DMD: variants seen among roughly 807,000 people sequenced by gnomAD.
DMD encodes the protein mutant dystrophin.
In DMD, 63 loss-of-function variants were observed where a neutral mutation model predicts 330.1. The observed-to-expected ratio is 0.19, with a 90% CI of 0.16 to 0.24. DMD has a LOEUF of 0.24. DMD is among the 10% of genes least tolerant of loss of function. The pLI is 1.00. For synonymous variants in DMD, 1,223 were observed against 959.8 expected (o/e 1.27, Z -5.07); for missense variants, 3,344 against 2,684.1 (o/e 1.25, Z -5.43).
intron 43 of DMD, among the ~76,000 whole-genome samples, chrX:32,260,679 GC>G (rs1312032297): frequency 1.8e-5 from 2 of 109,013 alleles, no homozygotes; most frequent in Non-Finnish European, 3.9e-5. Flanking sequence ...TCTCAGTGCT[GC>G]CCTCCCTCTG....
At chrX:32,319,370 A>T (rs2097598950) in intron 41 of DMD, among the ~76,000 whole-genome samples, 1 of 111,439 alleles carries the variant, frequency 9.0e-6, no homozygotes, top group African/African-American at 3.3e-5. Context: ...TGCAGCAAAG[A>T]CTCATGCCTA....
chrX:31,440,166 G>T (rs1163025426), intron 60 of DMD, among the ~76,000 whole-genome samples: 6 of 82,666 alleles, frequency 7.3e-5, no homozygotes, highest in Non-Finnish European at 1.4e-4. Context: ...TTTTTTTTTG[G>T]AAATGGTGTC....
intron 18 of DMD, among the ~76,000 whole-genome samples, chrX:32,508,570 G>C (rs190334133): frequency 9.0e-6 from 1 of 111,448 alleles, no homozygotes; most frequent in Non-Finnish European, 1.9e-5. Flanking sequence ...CTGAACCTCA[G>C]TATTTCCTAT....
intron 7 of DMD, among the ~76,000 whole-genome samples, chrX:32,708,818 G>A: frequency 9.0e-6 from 1 of 111,692 alleles, no homozygotes; most frequent in Middle Eastern, 4.7e-3. Flanking sequence ...GGTATCATAT[G>A]TCATACGCAA....
intron 44 of DMD, among the ~76,000 whole-genome samples, chrX:32,032,227 G>C (rs936304923): frequency 9.0e-6 from 1 of 111,187 alleles, no homozygotes; most frequent in African/African-American, 3.3e-5. Context: ...GATTTATACT[G>C]TCTCCATTTC....
chrX:33,104,111 T>C (rs1190611318), intron 1 of DMD, among the ~76,000 whole-genome samples: 1 of 111,811 alleles, frequency 8.9e-6, no homozygotes, highest in Non-Finnish European at 1.9e-5. Context: ...AATTACACTA[T>C]TGATTTACAT....
intron 44 of DMD, among the ~76,000 whole-genome samples, chrX:31,972,900 T>C (rs973383079): frequency 1.8e-5 from 2 of 111,578 alleles, no homozygotes; most frequent in Non-Finnish European, 3.8e-5. Context: ...TTGTGTCTCT[T>C]CGTCAGTGCC....
chrX:33,094,650 T>C (rs996264318), intron 1 of DMD, among the ~76,000 whole-genome samples: 6 of 109,387 alleles, frequency 5.5e-5, no homozygotes, highest in Non-Finnish European at 1.1e-4. Context: ...CTCCTAAAAA[T>C]ACAAAAAATT....
intron 7 of DMD, among the ~76,000 whole-genome samples, chrX:32,723,176 TGTA>T (rs2066506785): frequency 1.8e-5 from 2 of 111,823 alleles, no homozygotes; most frequent in Admixed American, 1.9e-4. Context: ...TTTTTCTGCA[TGTA>T]TTGAGATAAT....
At chrX:31,947,319 T>C (rs1439430161) in intron 45 of DMD, among the ~76,000 whole-genome samples, 1 of 111,811 alleles carries the variant, frequency 8.9e-6, no homozygotes, top group Admixed American at 9.5e-5. Context: ...AGAGATGGAA[T>C]GTTGCTATGT....
chrX:33,289,889 A>G, intron 1 of DMD, among the ~76,000 whole-genome samples: 1 of 112,110 alleles, frequency 8.9e-6, no homozygotes, highest in Non-Finnish European at 1.9e-5. Context: ...TTTCTGCAGA[A>G]TGAGCAATTA....
intron 55 of DMD, among the ~76,000 whole-genome samples, chrX:31,624,323 A>T (rs1213837754): frequency 8.9e-6 from 1 of 112,059 alleles, no homozygotes; most frequent in Non-Finnish European, 1.9e-5. Flanking sequence ...AAAGTGAGTT[A>T]CACCTTTTTA....
chrX:31,325,425 C>T (rs945533921), intron 61 of DMD, among the ~76,000 whole-genome samples: 85 of 93,221 alleles, frequency 9.1e-4, no homozygotes, highest in African/African-American at 3.1e-3. Context: ...CATGAGGAAA[C>T]GCTATCTCTA....
At chrX:32,113,417 A>G (rs1226349209) in intron 44 of DMD, among the ~76,000 whole-genome samples, 1 of 112,674 alleles carries the variant, frequency 8.9e-6, no homozygotes, top group Non-Finnish European at 1.9e-5. Flanking sequence ...TATCACATGT[A>G]TCCCACAAAT....
At chrX:32,785,625 G>A (rs185281931) in intron 7 of DMD, among the ~76,000 whole-genome samples, 177 of 111,298 alleles carry the variant, frequency 1.6e-3, no homozygotes, top group African/African-American at 5.2e-3. Context: ...GACAGATCTC[G>A]CTACAACTAG....
chrX:32,027,369 GA>G lies in DMD; in HGVS notation c.6439-58856del, dbSNP rs759948550. Among the ~76,000 whole-genome samples the G allele has an allele frequency of 2.7e-5, 3 of 111,251 alleles. No homozygotes were observed. The East Asian group carries it at 8.5e-4, about 32-fold the overall frequency. On this transcript the variant is annotated intron_variant, in intron 44 of 78. Transcript: ENST00000357033. The stretch of plus-strand genomic sequence containing the variant: ...AGAAGACAAAGTAAGTCCTGGCAGA[GA>G]AAAAAAGCTTGGTGTAAAGAAGAAA...
chrX:32,849,854 AG>A (rs751575629), intron 2 of DMD, 34 bp from the exon 3 acceptor site: 1 of 988,717 alleles, frequency 1.0e-6, no homozygotes, highest in Non-Finnish European at 1.4e-6. Flanking sequence ...AATTTAACAA[AG>A]CACACTTCCA....
chrX:31,919,206 G>A (rs2094653790), intron 47 of DMD, among the ~76,000 whole-genome samples: 1 of 111,702 alleles, frequency 9.0e-6, no homozygotes, highest in African/African-American at 3.3e-5. Context: ...GGAGATAACT[G>A]CAATGGTCTA....
At chrX:32,736,813 G>C (rs1248873104) in intron 7 of DMD, among the ~76,000 whole-genome samples, 43 of 109,413 alleles carry the variant, frequency 3.9e-4, no homozygotes, top group African/African-American at 1.5e-3. Context: ...TTTATCTAAT[G>C]CTAGATGACG....
Sources: allele counts gnomAD v4.1 joint callset (sites outside exome capture counted in the v4.1 genomes callset), GRCh38; gene constraint gnomAD v4.1.1; transcripts MANE v1.5; gene names NCBI Gene and HGNC (gene_info 2026-07-23, HGNC 2026-07-21).